Variants in SASH1 observed in about 807,000 individuals in gnomAD.
SASH1 encodes the protein SAM and SH3 domain containing 1.
In SASH1, 44 loss-of-function variants were observed where a neutral mutation model predicts 125.2. That is an observed-to-expected ratio of 0.35 (90% CI 0.28 to 0.45). SASH1 has a LOEUF of 0.45. SASH1 is among the 20% of genes least tolerant of loss of function. The pLI, the probability that SASH1 is intolerant of heterozygous loss-of-function variation, is 1.00. For missense variants in SASH1, 1,426 were observed against 1,614.5 expected (o/e 0.88, Z 2.00); for synonymous variants, 639 against 649.1 (o/e 0.98, Z 0.24).
chr6:148,337,368 C>T (rs556638536), intron 1 of SASH1, among the ~76,000 whole-genome samples: 141 of 152,178 alleles, frequency 9.3e-4, no homozygotes, highest in African/African-American at 3.2e-3. Context: ...GGACTACAGG[C>T]GCCCGCCACC....
In SASH1 at chr6:148,529,280, C is replaced by T. The variant is rs533170477; in HGVS notation, c.1428+1684C>T. 7.2e-5 allele frequency among the ~76,000 whole-genome samples: 11 copies of T among 152,266 alleles called. No homozygotes were observed. Among genetic ancestry groups the T allele is most frequent in the African/African-American group, 2.2e-4 (9 of 41,540 alleles). On this transcript the variant is annotated intron_variant, in intron 12 of 19. Coordinates refer to ENST00000367467, the MANE Select transcript of SASH1 (RefSeq NM_015278.5). This position sits in a 1 kb window ranked among gnomAD's most constrained non-coding sequence, Gnocchi z 4.2. ...GCCAAACATCTTAGCATGCACAGGA[C>T]GGTCTGCACAGCAAAGAGCTGTCCA... is the stretch of plus-strand genomic sequence containing the variant.
At chr6:148,485,621 C>T (rs1463794043) in intron 7 of SASH1, among the ~76,000 whole-genome samples, 1 of 152,150 alleles carries the variant, frequency 6.6e-6, no homozygotes, top group Non-Finnish European at 1.5e-5. Flanking sequence ...AATAATTTGT[C>T]CTCAGGCCTC....
intron 1 of SASH1, among the ~76,000 whole-genome samples, chr6:148,368,768 G>GCACACACACACACACACACA (rs1554245318): frequency 2.8e-5 from 2 of 70,482 alleles, no homozygotes; most frequent in Non-Finnish European, 5.8e-5. Context: ...GCGCACGCGC[G>GCACACACACACACACACACA]CGCACACACA....
At chr6:148,479,229 A>G (rs560733111) in intron 7 of SASH1, 2 of 152,210 alleles carry the variant, frequency 1.3e-5, no homozygotes, top group South Asian at 2.1e-4. Context: ...TTGTATTTTT[A>G]GTAGAGATGG....
chr6:148,441,421 C>T (rs1386598849), intron 4 of SASH1, among the ~76,000 whole-genome samples: 1 of 152,112 alleles, frequency 6.6e-6, no homozygotes, highest in Non-Finnish European at 1.5e-5. Flanking sequence ...GGGTGATGTA[C>T]CATAGCAAAC....
At chr6:148,291,350 T>C (rs914015779) in intron 1 of SASH1, among the ~76,000 whole-genome samples, 25 of 152,224 alleles carry the variant, frequency 1.6e-4, no homozygotes, top group African/African-American at 5.8e-4. Flanking sequence ...TCAATTATTA[T>C]GTGTCAATTT....
At chr6:148,306,510 G>T (rs1780133579) in intron 1 of SASH1, among the ~76,000 whole-genome samples, 1 of 152,126 alleles carries the variant, frequency 6.6e-6, no homozygotes, top group African/African-American at 2.4e-5. Context: ...CCAATATTTT[G>T]TGTTCTCAAA....
At chr6:148,298,740 A>G (rs1582932452) in intron 1 of SASH1, among the ~76,000 whole-genome samples, 1 of 86,326 alleles carries the variant, frequency 1.2e-5, no homozygotes. Context: ...GGAGGGAGGG[A>G]GGGAAAGGAA....
chr6:148,422,101 T>G (rs1785128574), intron 2 of SASH1, among the ~76,000 whole-genome samples: 1 of 152,196 alleles, frequency 6.6e-6, no homozygotes, highest in Admixed American at 6.5e-5. Context: ...CCAGAATCTC[T>G]CTACCTAGGC....
chr6:148,197,745 T>G, the SASH1 span, among the ~76,000 whole-genome samples: 1 of 152,182 alleles, frequency 6.6e-6, no homozygotes, highest in Non-Finnish European at 1.5e-5. Flanking sequence ...TTATCTCTAA[T>G]TGTAATCCCC....
intron 1 of SASH1, among the ~76,000 whole-genome samples, chr6:148,298,770 A>AAAAAGAAAGAAC (rs1402547147): frequency 2.1e-5 from 2 of 93,152 alleles, no homozygotes; most frequent in African/African-American, 4.7e-5. Flanking sequence ...GAGAGAAAGA[A>AAAAAGAAAGAAC]AAAAGAAAGA....
At chr6:148,497,622 A>G (rs555339581) in intron 8 of SASH1, among the ~76,000 whole-genome samples, 5 of 152,214 alleles carry the variant, frequency 3.3e-5, no homozygotes, top group Non-Finnish European at 5.9e-5. Context: ...TTGAGTTCCC[A>G]TAAAAGTGCT....
upstream of SASH1, among the ~76,000 whole-genome samples, chr6:148,268,553 A>G (rs1019692794): frequency 2.6e-5 from 4 of 152,242 alleles, no homozygotes; most frequent in Admixed American, 1.3e-4. Context: ...GAAAGCATCA[A>G]ACTGACAGAA....
chr6:148,463,344 C>T (rs140349081), intron 4 of SASH1, among the ~76,000 whole-genome samples: 161 of 152,234 alleles, frequency 1.1e-3, no homozygotes, highest in African/African-American at 3.7e-3. Context: ...GGGGTTTCAC[C>T]ATGTTGTCCA....
intron 1 of SASH1, among the ~76,000 whole-genome samples, chr6:148,370,886 A>G (rs1224404769): frequency 3.9e-5 from 6 of 152,172 alleles, no homozygotes; most frequent in Non-Finnish European, 8.8e-5. Flanking sequence ...TAAGGGTCTC[A>G]TTTTTTCAAA....
chr6:148,545,981 A>T, intron 18 of SASH1, 34 bp from the exon 19 acceptor site: 1 of 1,600,910 alleles, frequency 6.2e-7, no homozygotes, highest in Non-Finnish European at 8.5e-7. Context: ...AATCCTTATG[A>T]CTCTTGATGT....
Position 148,403,854 on chromosome 6 carries a change from G to T in SASH1, c.285+13592G>T, listed in dbSNP as rs566539500. Among the ~76,000 whole-genome samples, 123 of 152,304 alleles carry T rather than the reference G, an allele frequency of 8.1e-4. 1 individual carries two copies. Among genetic ancestry groups the T allele is most frequent in the African/African-American group, 2.8e-3 (118 of 41,572 alleles). ...ACCTTCCCATAGTGTTTTTTAAAAT[G>T]AGTGTTTTAATTGGGATATGATTCA... On this transcript the variant is annotated intron_variant, in intron 2 of 19. Coordinates refer to ENST00000367467, the MANE Select transcript of SASH1 (RefSeq NM_015278.5).
intron 1 of SASH1, among the ~76,000 whole-genome samples, chr6:148,287,545 A>G (rs1182187557): frequency 6.6e-6 from 1 of 152,156 alleles, no homozygotes; most frequent in Admixed American, 6.5e-5. Flanking sequence ...TCAATTCTGT[A>G]TTAAATCTAT....
At chr6:148,277,718 G>A (rs1473020174) in intron 1 of SASH1, among the ~76,000 whole-genome samples, 3 of 151,126 alleles carry the variant, frequency 2.0e-5, no homozygotes, top group Non-Finnish European at 4.4e-5. Context: ...GCAGGGTTTT[G>A]TTTTGTTTTG....
Sources: allele counts gnomAD v4.1 joint callset (sites outside exome capture counted in the v4.1 genomes callset), GRCh38; gene constraint gnomAD v4.1.1; non-coding constraint Gnocchi (gnomAD v3.1); transcripts MANE v1.5; gene names NCBI Gene and HGNC (gene_info 2026-07-23, HGNC 2026-07-21).